TRDN: variants seen among roughly 807,000 people sequenced by gnomAD.
TRDN encodes the protein triadin, also known as triadin in skeletal muscle.
In TRDN, 161 loss-of-function variants were observed where a neutral mutation model predicts 149.7. The observed-to-expected ratio is 1.08, with a 90% CI of 0.95 to 1.23. TRDN has a LOEUF of 1.23. Among genes scored for constraint, TRDN ranks in the 50% most tolerant of loss-of-function variants. The pLI is 0.00. For missense variants in TRDN, 896 were observed against 823.5 expected (o/e 1.09, Z -1.08); for synonymous variants, 294 against 250.5 (o/e 1.17, Z -1.64).
rs1005045198 is a variant in TRDN, at chr6:123,456,717, C to A, written c.931+8189G>T. ...CTCCTGAGCTGAAGCGATCCACCCA[C>A]CTTGGCCTCCCAAAGTGTTGGGGAT... On this transcript the variant is annotated intron_variant, in intron 10 of 40. Transcript: ENST00000334268. 4.3e-5 allele frequency: 19 copies of A among 441,572 alleles called. 1 individual carries two copies. The highest frequency in any genetic ancestry group is 3.4e-4 in the Admixed American group (14 of 41,492). The allele number at this position is 441,572 out of a possible 1,614,324, so 27.4% of individuals were successfully genotyped here. A position where few individuals can be genotyped will look rare whatever the true frequency, so the allele number is the denominator to read the frequency against.
At chr6:123,321,346 A>G (rs1048838854) in intron 23 of TRDN, among the ~76,000 whole-genome samples, 7 of 152,150 alleles carry the variant, frequency 4.6e-5, no homozygotes, top group African/African-American at 1.7e-4. Context: ...TTCTAACCCA[A>G]TTTTAAATAC....
intron 9 of TRDN, among the ~76,000 whole-genome samples, chr6:123,468,451 G>T (rs1325420779): frequency 3.3e-5 from 5 of 152,082 alleles, no homozygotes; most frequent in Non-Finnish European, 7.4e-5. Context: ...ATACTTTATT[G>T]TTCTGAGTTC....
At chr6:123,536,560 G>A (rs1780542148) in intron 4 of TRDN, among the ~76,000 whole-genome samples, 1 of 151,824 alleles carries the variant, frequency 6.6e-6, no homozygotes, top group Non-Finnish European at 1.5e-5. Context: ...CTTATAAACT[G>A]CAACGATTGG....
intron 23 of TRDN, among the ~76,000 whole-genome samples, chr6:123,327,406 G>A (rs1562263599): frequency 6.6e-6 from 1 of 151,882 alleles, no homozygotes; most frequent in Non-Finnish European, 1.5e-5. Context: ...AAATACCGTT[G>A]ATATTTTTTA....
chr6:123,331,926 G>C lies in TRDN; in HGVS notation c.1424C>G (p.Pro475Arg). Residue 475 changes from proline (P) to arginine (R), a missense_variant, in exon 23 of 41, where the codon CCT becomes CGT. Coordinates refer to ENST00000334268, the MANE Select transcript of TRDN (RefSeq NM_006073.4). ...KTSSILKDKE[P>R]IKGKEEKVPA... The stretch of plus-strand genomic sequence containing the variant: ...AACTTTCTCTTCTTTCCCTTTAATA[G>C]GTTCTGAAAAGAAACATCGGACATT... 1 of 1,539,836 alleles carries C rather than the reference G, an allele frequency of 6.5e-7. No homozygotes were observed. Among genetic ancestry groups the C allele is most frequent in the South Asian group, 1.2e-5 (1 of 80,434 alleles).
At chr6:123,301,000 T>A (rs1264226083) in intron 24 of TRDN, among the ~76,000 whole-genome samples, 1 of 151,980 alleles carries the variant, frequency 6.6e-6, no homozygotes, top group Non-Finnish European at 1.5e-5. Flanking sequence ...ACTGGGCTCT[T>A]ATTGTGTGCC....
chr6:123,384,832 C>G (rs1781847698), intron 14 of TRDN, among the ~76,000 whole-genome samples: 2 of 152,054 alleles, frequency 1.3e-5, no homozygotes, highest in African/African-American at 4.8e-5. Flanking sequence ...TGCTTGGAGT[C>G]CAAAGATCAC....
intron 22 of TRDN, among the ~76,000 whole-genome samples, chr6:123,336,528 A>T (rs1465771665): frequency 2.0e-5 from 3 of 151,940 alleles, no homozygotes; most frequent in Non-Finnish European, 4.4e-5. Context: ...GTCACACAAA[A>T]TTGATCAAAA....
chr6:123,277,988 A>G (rs574683212), intron 26 of TRDN, among the ~76,000 whole-genome samples: 1 of 152,314 alleles, frequency 6.6e-6, no homozygotes, highest in African/African-American at 2.4e-5. Context: ...AAGCCTCAAA[A>G]GAGAGAAGGA....
chr6:123,349,979 T>C (rs997244531), intron 21 of TRDN: 23 of 985,252 alleles, frequency 2.3e-5, no homozygotes, highest in South Asian at 4.7e-5. Context: ...AAAGAAACTC[T>C]TCAAGTGGAC....
At chr6:123,546,887 T>A (rs1345513382) in intron 4 of TRDN, among the ~76,000 whole-genome samples, 1 of 152,098 alleles carries the variant, frequency 6.6e-6, no homozygotes, top group Non-Finnish European at 1.5e-5. Context: ...TAGGCTGTTA[T>A]GTCCCTCACC....
At chr6:123,262,385 G>T (rs1776803838) in intron 33 of TRDN, among the ~76,000 whole-genome samples, 1 of 151,452 alleles carries the variant, frequency 6.6e-6, no homozygotes, top group African/African-American at 2.4e-5. Context: ...TTTTGTTTTG[G>T]TTTTCTTTTG....
intron 7 of TRDN, among the ~76,000 whole-genome samples, chr6:123,506,799 G>A (rs965034375): frequency 6.6e-6 from 1 of 152,002 alleles, no homozygotes; most frequent in African/African-American, 2.4e-5. Flanking sequence ...CAAAAAAATG[G>A]CTCTCCCATT....
intron 10 of TRDN, among the ~76,000 whole-genome samples, chr6:123,449,148 T>G (rs887632593): frequency 6.6e-6 from 1 of 152,006 alleles, no homozygotes; most frequent in African/African-American, 2.4e-5. Context: ...GCTGGTAATA[T>G]GACAAAACAA....
chr6:123,501,714 A>G, intron 8 of TRDN: 1 of 458,774 alleles, frequency 2.2e-6, no homozygotes, highest in Non-Finnish European at 2.9e-6. Context: ...GCAATTGTTT[A>G]GCTGATAAAA....
At chr6:123,617,692 T>C (rs1785170333) in intron 1 of TRDN, among the ~76,000 whole-genome samples, 2 of 152,160 alleles carry the variant, frequency 1.3e-5, no homozygotes, top group South Asian at 4.1e-4. Context: ...AGGGAGACTA[T>C]TTATTTTTAA....
At chr6:123,373,368 G>C (rs901068924) in intron 19 of TRDN, among the ~76,000 whole-genome samples, 1 of 152,084 alleles carries the variant, frequency 6.6e-6, no homozygotes, top group African/African-American at 2.4e-5. Context: ...CTATTATTGT[G>C]AGGCCTCCCT....
At chr6:123,519,404 T>C (rs1374588996) in intron 5 of TRDN, among the ~76,000 whole-genome samples, 1 of 150,756 alleles carries the variant, frequency 6.6e-6, no homozygotes, top group Non-Finnish European at 1.5e-5. Context: ...TTTTTGACCC[T>C]GGCAGTCACC....
At chr6:123,291,219 A>T (rs1488567280) in intron 24 of TRDN, among the ~76,000 whole-genome samples, 2 of 151,998 alleles carry the variant, frequency 1.3e-5, no homozygotes, top group Non-Finnish European at 2.9e-5. Context: ...ATGAAGAGGG[A>T]TCTTGTATAG....
Sources: gnomAD v4.1 joint callset for allele counts (sites outside exome capture counted in the v4.1 genomes callset) on GRCh38, gnomAD v4.1.1 for gene constraint, MANE v1.5 for transcripts, NCBI Gene and HGNC (gene_info 2026-07-23, HGNC 2026-07-21) for gene names.